The following AR variants were observed in gnomAD, a reference collection of about 807,000 sequenced individuals.
The protein encoded by AR is androgen receptor, also known as dihydrotestosterone receptor.
In AR, 8 loss-of-function variants were observed where a neutral mutation model predicts 53.9. The observed-to-expected ratio is 0.15, with a 90% CI of 0.09 to 0.27. The LOEUF (loss-of-function observed/expected upper bound fraction) is 0.27. Ranked by LOEUF, AR falls within the 10% of genes least tolerant of loss-of-function variation. AR has a pLI of 1.00. For missense variants in AR, 639 were observed against 742.5 expected (o/e 0.86, Z 1.62); for synonymous variants, 359 against 316.4 (o/e 1.13, Z -1.43).
rs2147435898 is a variant in AR, at chrX:67,643,277, T to G, written c.1638T>G (p.His546Gln). ...CCAGTTTGGAGACTGCCAGGGACCA[T>G]GTTTTGCCCATTGACTATTACTTTC... Reference protein sequence around the residue: ...GDMRLETARDHVLPIDYYFPP... With the variant: ...GDMRLETARDQVLPIDYYFPP... The change falls in exon 2 of 8, where the codon CAT (histidine) becomes CAG (glutamine). Residue 546 changes from histidine to glutamine, a missense_variant. His to Gln is a conservative substitution (Grantham distance 24). This residue lies in a region of AR where 423 missense variants were observed against 377.0 expected (regional missense o/e 1.12). Transcript: ENST00000374690. 8.3e-7 allele frequency: 1 copy of G among 1,210,009 alleles called. No homozygotes were observed. The highest frequency in any genetic ancestry group is 1.7e-5 in the African/African-American group (1 of 57,291).
intron 3 of AR, among the ~76,000 whole-genome samples, chrX:67,699,434 A>G (rs942199520): frequency 2.7e-5 from 3 of 111,998 alleles, no homozygotes; most frequent in Non-Finnish European, 5.6e-5. Flanking sequence ...GTGGACCCCA[A>G]CGCCTTCAAA....
chrX:67,683,408 A>T (rs958300254), intron 2 of AR, among the ~76,000 whole-genome samples: 4 of 111,955 alleles, frequency 3.6e-5, no homozygotes, highest in Non-Finnish European at 5.6e-5. Context: ...AAAAAAAAAA[A>T]ACTCTGTAAA....
chrX:67,662,012 G>T (rs1926949726), intron 2 of AR, among the ~76,000 whole-genome samples: 1 of 111,727 alleles, frequency 9.0e-6, no homozygotes, highest in Non-Finnish European at 1.9e-5. Context: ...ATGGTAGTTT[G>T]TACTTCTGTG....
intron 3 of AR, chrX:67,694,535 G>A: frequency 1.0e-6 from 1 of 1,003,707 alleles, no homozygotes; most frequent in Non-Finnish European, 1.3e-6. Flanking sequence ...AGTAAAAAAT[G>A]GCAACCGCCC....
intron 3 of AR, among the ~76,000 whole-genome samples, chrX:67,700,483 A>G (rs2076038033): frequency 9.0e-6 from 1 of 111,454 alleles, no homozygotes; most frequent in Non-Finnish European, 1.9e-5. Flanking sequence ...GACAGAACAG[A>G]GGATCCCCCG....
At chrX:67,696,127 T>G in intron 3 of AR, 1 of 728,545 alleles carries the variant, frequency 1.4e-6, no homozygotes, top group South Asian at 7.5e-5. Flanking sequence ...CTGTTAACAT[T>G]GGATCTTTTT....
At chrX:67,625,998 C>A (rs896258443) in intron 1 of AR, among the ~76,000 whole-genome samples, 9 of 111,202 alleles carry the variant, frequency 8.1e-5, no homozygotes, top group Non-Finnish European at 1.3e-4. Flanking sequence ...TTGATACAGG[C>A]ATACAATGTT....
chrX:67,712,306 C>T (rs147091815), intron 4 of AR, among the ~76,000 whole-genome samples: 5 of 111,801 alleles, frequency 4.5e-5, no homozygotes, highest in African/African-American at 1.3e-4. Flanking sequence ...AAAAAAGGAA[C>T]GCTTTTTGCA....
rs756432037 is a variant in AR at position 67,721,902 on chromosome X, A to G, written c.2388A>G (p.Gly796=). 5.5e-5 allele frequency: 67 copies of G among 1,208,929 alleles called. No individual in the cohort carries two copies. In the Admixed American group the frequency reaches 6.6e-4, roughly 12 times the overall value. ...TGAGGCACCTCTCTCAAGAGTTTGGATGGCTCCAAATCACCCCCCAGGAAT... is the reference window on the plus strand; with the variant it reads ...TGAGGCACCTCTCTCAAGAGTTTGGGTGGCTCCAAATCACCCCCCAGGAAT... ...VRMRHLSQEF[G]WLQITPQEFL... The change falls in exon 6 of 8, where the codon GGA becomes GGG. Residue 796 remains glycine (G), a synonymous_variant. Coordinates refer to ENST00000374690, the MANE Select transcript of AR (RefSeq NM_000044.6).
At chrX:67,547,130 T>C (rs1457876379) in intron 1 of AR, among the ~76,000 whole-genome samples, 1 of 111,656 alleles carries the variant, frequency 9.0e-6, no homozygotes. Context: ...CCTCAAAGTC[T>C]GAGAACCTCA....
At chrX:67,694,847 G>C (rs1247768383) in intron 3 of AR, 6 of 1,085,072 alleles carry the variant, frequency 5.5e-6, no homozygotes, top group Non-Finnish European at 7.1e-6. Flanking sequence ...CTTTGACGTT[G>C]GGGTTGGGGG....
chrX:67,595,675 G>T (rs995716222), intron 1 of AR, among the ~76,000 whole-genome samples: 1 of 106,750 alleles, frequency 9.4e-6, no homozygotes, highest in African/African-American at 3.4e-5. Context: ...ATAGCCAGGC[G>T]TGATGGTGCG....
At chrX:67,661,258 G>A (rs1926896830) in intron 2 of AR, among the ~76,000 whole-genome samples, 1 of 110,897 alleles carries the variant, frequency 9.0e-6, no homozygotes, top group African/African-American at 3.3e-5. Context: ...ATGTTGAATA[G>A]GAGTGGTGAG....
At chrX:67,678,302 G>T (rs1052150795) in intron 2 of AR, among the ~76,000 whole-genome samples, 1 of 111,698 alleles carries the variant, frequency 9.0e-6, no homozygotes, top group Non-Finnish European at 1.9e-5. Context: ...GAGTTTCTAT[G>T]TAATGTTTTA....
intron 1 of AR, among the ~76,000 whole-genome samples, chrX:67,600,194 G>A (rs1189924275): frequency 9.0e-6 from 1 of 111,142 alleles, no homozygotes; most frequent in Non-Finnish European, 1.9e-5. Flanking sequence ...GTTTGTTATG[G>A]TATACACCCC....
intron 2 of AR, among the ~76,000 whole-genome samples, chrX:67,654,286 G>A (rs749709704): frequency 4.5e-5 from 5 of 111,372 alleles, no homozygotes; most frequent in East Asian, 2.8e-4. Flanking sequence ...TACTTGCAGC[G>A]TCCCTGGGTA....
chrX:67,644,901 C>G (rs930558573), intron 2 of AR, among the ~76,000 whole-genome samples: 2 of 111,294 alleles, frequency 1.8e-5, no homozygotes, highest in Non-Finnish European at 3.8e-5. Context: ...GCCTAAAGAG[C>G]CTGAGAGCAG....
chrX:67,670,500 T>C (rs948711188), intron 2 of AR, among the ~76,000 whole-genome samples: 1 of 106,105 alleles, frequency 9.4e-6, no homozygotes. Flanking sequence ...ACCAAAAAAA[T>C]TAGCAGCTAT....
At chrX:67,604,198 ATGTG>A (rs72092334) in intron 1 of AR, among the ~76,000 whole-genome samples, 6,358 of 77,970 alleles carry the variant, frequency 0.082, 501 homozygotes, top group African/African-American at 0.22. Context: ...GGGGAGAAAT[ATGTG>A]TGTGTGTGTG....
Sources: gnomAD v4.1 joint callset for allele counts (sites outside exome capture counted in the v4.1 genomes callset) on GRCh38, gnomAD v4.1.1 for gene constraint, gnomAD v4.1.1 regional missense constraint, MANE v1.5 for transcripts, NCBI Gene and HGNC (gene_info 2026-07-23, HGNC 2026-07-21) for gene names.